PKHD1L1: variants seen among roughly 807,000 people sequenced by gnomAD.
The protein encoded by PKHD1L1 is fibrocystin-L.
PKHD1L1 carries 434 observed loss-of-function variants against 462.9 expected under a neutral mutation model. The observed-to-expected ratio is 0.94, with a 90% CI of 0.87 to 1.02. The LOEUF is 1.02. Among genes scored for constraint, PKHD1L1 ranks in the 50% least tolerant of loss-of-function variants. The pLI, the probability that PKHD1L1 is intolerant of heterozygous loss-of-function variation, is 0.00. For synonymous variants in PKHD1L1, 1,781 were observed against 1,750.0 expected (o/e 1.02, Z -0.44); for missense variants, 5,202 against 5,096.1 (o/e 1.02, Z -0.63).
At chr8:109,405,381 G>A (rs1268349809) in intron 16 of PKHD1L1, among the ~76,000 whole-genome samples, 1 of 151,976 alleles carries the variant, frequency 6.6e-6, no homozygotes, top group Non-Finnish European at 1.5e-5. Flanking sequence ...AATGCACATG[G>A]AATTTATATA....
rs117091794 is a variant in PKHD1L1, at chr8:109,429,113, A to G, written c.3001-227A>G. Among the ~76,000 whole-genome samples the G allele has an allele frequency of 1.6e-4, 24 of 152,254 alleles. 1 individual carries two copies. In the East Asian group the frequency reaches 4.6e-3, roughly 29 times the overall value. On this transcript the variant is annotated intron_variant, in intron 25 of 77. Coordinates refer to ENST00000378402, the MANE Select transcript of PKHD1L1 (RefSeq NM_177531.6). ...TTTGTTTTAATTCAAGTTGTAATTG[A>G]TGCAATGTATGATAATGCAATGGTC...
chr8:109,503,122 A>G (rs1254750895), intron 67 of PKHD1L1, among the ~76,000 whole-genome samples: 1 of 152,158 alleles, frequency 6.6e-6, no homozygotes, highest in African/African-American at 2.4e-5. Context: ...CCTGCCCAAC[A>G]TGGTGAAACC....
At chr8:109,504,938 A>G (rs1819617032) in intron 68 of PKHD1L1, among the ~76,000 whole-genome samples, 1 of 152,260 alleles carries the variant, frequency 6.6e-6, no homozygotes, top group East Asian at 1.9e-4. Context: ...CGATGGTGCT[A>G]TCATGGCTCA....
intron 12 of PKHD1L1, among the ~76,000 whole-genome samples, chr8:109,399,063 T>G (rs915985519): frequency 6.6e-6 from 1 of 152,186 alleles, no homozygotes; most frequent in Non-Finnish European, 1.5e-5. Flanking sequence ...ATGCTGTACA[T>G]GTGTCTGCGT....
chr8:109,496,928 A>T lies in PKHD1L1; in HGVS notation c.10337A>T (p.Asn3446Ile), dbSNP rs758591654. The change falls in exon 64 of 78, where the codon AAT becomes ATT. Residue 3446 changes from asparagine (N) to isoleucine (I), a missense_variant. Coordinates refer to ENST00000378402, the MANE Select transcript of PKHD1L1 (RefSeq NM_177531.6). The stretch of plus-strand genomic sequence containing the variant: ...TATATTTCCCTCCAAGGCCAGTTTA[A>T]TCCTGTGGAAAAGTGGTTTGACAAT... ...IDGEPCPGQF[N>I]PVEKWFDNEA... 1 of 1,613,020 alleles carries T rather than the reference A, an allele frequency of 6.2e-7. No individual in the cohort carries two copies. Among genetic ancestry groups the T allele is most frequent in the East Asian group, 2.2e-5 (1 of 44,852 alleles).
At chr8:109,369,106 G>A (rs1286813661) in intron 2 of PKHD1L1, among the ~76,000 whole-genome samples, 1 of 151,930 alleles carries the variant, frequency 6.6e-6, no homozygotes, top group African/African-American at 2.4e-5. Flanking sequence ...AGCCTCCCAA[G>A]TAGCAGGGTT....
chr8:109,364,661 T>C, intron 2 of PKHD1L1, 25 bp downstream of exon 2: 1 of 1,426,746 alleles, frequency 7.0e-7, no homozygotes, highest in Middle Eastern at 1.8e-4. Context: ...TTTTTTTTTT[T>C]TTTGCCAAGG....
chr8:109,468,423 A>G (rs930935455), intron 50 of PKHD1L1, among the ~76,000 whole-genome samples: 3 of 152,178 alleles, frequency 2.0e-5, no homozygotes, highest in Admixed American at 1.3e-4. Context: ...TAAACTGTGA[A>G]TACCTAGAGG....
chr8:109,384,737 T>G (rs890466921), intron 5 of PKHD1L1, among the ~76,000 whole-genome samples: 3 of 152,090 alleles, frequency 2.0e-5, no homozygotes, highest in African/African-American at 7.2e-5. Flanking sequence ...TAGGTACTAT[T>G]TTTTCAAGAA....
At chr8:109,372,804 T>C (rs1234286002) in intron 2 of PKHD1L1, among the ~76,000 whole-genome samples, 3 of 152,128 alleles carry the variant, frequency 2.0e-5, no homozygotes, top group Non-Finnish European at 2.9e-5. Flanking sequence ...TGCTGGATTA[T>C]GTTTATTGAT....
chr8:109,503,097 G>A (rs913774792), intron 67 of PKHD1L1, among the ~76,000 whole-genome samples: 2 of 152,180 alleles, frequency 1.3e-5, no homozygotes, highest in Admixed American at 6.5e-5. Flanking sequence ...CTTGAGGTCA[G>A]GAGTTTGAGG....
At chr8:109,493,614 T>A (rs763770492) in intron 62 of PKHD1L1, 47 bp from the exon 63 acceptor site, 1 of 1,239,608 alleles carries the variant, frequency 8.1e-7, no homozygotes, top group South Asian at 1.4e-5. Flanking sequence ...TTTATATAAA[T>A]GTTTACTAGC....
intron 2 of PKHD1L1, among the ~76,000 whole-genome samples, chr8:109,375,174 A>G (rs553624001): frequency 2.0e-5 from 3 of 152,260 alleles, no homozygotes; most frequent in African/African-American, 7.2e-5. Flanking sequence ...ACATAGTCCC[A>G]TATTTCTTGG....
At chr8:109,417,047 G>A (rs1205041619) in intron 21 of PKHD1L1, among the ~76,000 whole-genome samples, 1 of 151,940 alleles carries the variant, frequency 6.6e-6, no homozygotes, top group Non-Finnish European at 1.5e-5. Flanking sequence ...TCTCTTTTTA[G>A]CCTATAATTT....
At chr8:109,389,694 AT>A (rs1812619919) in intron 8 of PKHD1L1, among the ~76,000 whole-genome samples, 1 of 151,866 alleles carries the variant, frequency 6.6e-6, no homozygotes, top group Non-Finnish European at 1.5e-5. Flanking sequence ...TGCCTGGCTA[AT>A]TTTTGTATTT....
rs1309662930 is a variant in PKHD1L1, at chr8:109,449,359, C to T, written c.6047C>T (p.Thr2016Ile). 1 of 1,577,026 alleles carries T rather than the reference C, an allele frequency of 6.3e-7. No individual in the cohort carries two copies. The change falls in exon 40 of 78, where the codon ACC (threonine) becomes ATC (isoleucine). Residue 2016 changes from threonine (T) to isoleucine (I), a missense_variant. Physicochemically the swap from Thr to Ile is moderately conservative, Grantham distance 89. Transcript: ENST00000378402. ...CTAGGGAGCTTTGGTGGGGGTCAAA[C>T]CATGACTGTGACAGGCACCGGATTT... is the stretch of plus-strand genomic sequence containing the variant. Reference protein sequence around the residue: ...PSQGSFGGGQTMTVTGTGFNP... With the variant: ...PSQGSFGGGQIMTVTGTGFNP...
chr8:109,408,463 G>A (rs1410434882), intron 18 of PKHD1L1, among the ~76,000 whole-genome samples: 1 of 152,160 alleles, frequency 6.6e-6, no homozygotes, highest in African/African-American at 2.4e-5. Context: ...CCCTGCCTAT[G>A]TGTAGAAGCT....
Position 109,530,270 on chromosome 8 carries a change from T to C in PKHD1L1, c.*180T>C. On this transcript the variant is annotated 3_prime_UTR_variant, in exon 78 of 78. Coordinates refer to ENST00000378402, the MANE Select transcript of PKHD1L1 (RefSeq NM_177531.6). ...CAGATTTCTTCAAAATATAAATTTGTTTTGATTCTTTATATTTATATGTTT... is the reference window on the plus strand; with the variant it reads ...CAGATTTCTTCAAAATATAAATTTGCTTTGATTCTTTATATTTATATGTTT... 1 of 330,094 alleles carries C rather than the reference T, an allele frequency of 3.0e-6. No individual in the cohort carries two copies. Among genetic ancestry groups the C allele is most frequent in the Non-Finnish European group, 5.5e-6 (1 of 182,756 alleles). 20.4% of individuals were successfully genotyped at this position (330,094 alleles called of 1,614,324 possible). A position where few individuals can be genotyped will look rare whatever the true frequency, so the allele number is the denominator to read the frequency against.
intron 75 of PKHD1L1, 110 bp from the exon 76 acceptor site, chr8:109,523,123 A>T: frequency 8.7e-7 from 1 of 1,147,662 alleles, no homozygotes; most frequent in Non-Finnish European, 1.2e-6. Flanking sequence ...GAGCTTCTGC[A>T]GATTTTCAAT....
Sources: gnomAD v4.1 joint callset for allele counts (sites outside exome capture counted in the v4.1 genomes callset) on GRCh38, gnomAD v4.1.1 for gene constraint, MANE v1.5 for transcripts, NCBI Gene and HGNC (gene_info 2026-07-23, HGNC 2026-07-21) for gene names.